Variants in RNF125 observed in about 807,000 individuals in gnomAD.
RNF125 encodes the protein E3 ubiquitin-protein ligase RNF125.
In RNF125, 21 loss-of-function variants were observed where a neutral mutation model predicts 26.0. That is an observed-to-expected ratio of 0.81 (90% confidence interval 0.57 to 1.16). The LOEUF is 1.16. RNF125 is among the 50% of genes most tolerant of loss of function. The pLI is 0.00. For missense variants in RNF125, 270 were observed against 299.4 expected (o/e 0.90, Z 0.72); for synonymous variants, 95 against 109.2 (o/e 0.87, Z 0.81).
At chr18:32,053,054 G>A (rs1280216020) in intron 4 of RNF125, among the ~76,000 whole-genome samples, 2 of 152,200 alleles carry the variant, frequency 1.3e-5, no homozygotes, top group Non-Finnish European at 2.9e-5. Context: ...TGGAATTCAA[G>A]TTTTATAGTA....
intron 4 of RNF125, among the ~76,000 whole-genome samples, chr18:32,055,966 T>TCC: frequency 1.4e-5 from 1 of 71,354 alleles, no homozygotes; most frequent in Admixed American, 2.3e-4. Context: ...GTAACAAGAG[T>TCC]GAAACTCCAT....
In RNF125 at chr18:32,050,865, C is replaced by CTTTT. The variant is rs531751585; in HGVS notation, c.504+5164_504+5167dup. ...CCAGCTAGTCTCTCGGTCTAGAGTG[C>CTTTT]TTTTTTTTTTTTTTTTTTTTTTTTT... On this transcript the variant is annotated intron_variant, in intron 4 of 5. Coordinates refer to ENST00000217740, the MANE Select transcript of RNF125 (RefSeq NM_017831.4). 4.8e-3 allele frequency among the ~76,000 whole-genome samples: 221 copies of CTTTT among 46,318 alleles called. 50 individuals carry two copies. The highest frequency in any genetic ancestry group is 6.8e-3 in the Non-Finnish European group (175 of 25,596). The allele number at this position is 46,318 out of a possible 152,430, so 30.4% of individuals were successfully genotyped here.
At chr18:32,026,733 A>C (rs149822329) in intron 1 of RNF125, among the ~76,000 whole-genome samples, 1 of 152,316 alleles carries the variant, frequency 6.6e-6, no homozygotes, top group East Asian at 1.9e-4. Context: ...AAAAGTTACT[A>C]TCACACTCTA....
chr18:32,040,615 C>A (rs1369263303), intron 2 of RNF125, among the ~76,000 whole-genome samples: 16 of 152,070 alleles, frequency 1.1e-4, no homozygotes. Context: ...ATCCTTTTTT[C>A]TTCTGTTAGA....
downstream of RNF125, among the ~76,000 whole-genome samples, chr18:32,073,755 G>A (rs2039551780): frequency 6.6e-6 from 1 of 152,058 alleles, no homozygotes; most frequent in African/African-American, 2.4e-5. Context: ...TGTTACTGAC[G>A]AAACCTCTGA....
chr18:32,052,743 G>A (rs1282110213), intron 4 of RNF125, among the ~76,000 whole-genome samples: 5 of 152,066 alleles, frequency 3.3e-5, no homozygotes, highest in South Asian at 2.1e-4. Context: ...CTGAAGGATC[G>A]AATCCTTTGC....
At chr18:32,029,367 C>T (rs961483025) in intron 1 of RNF125, among the ~76,000 whole-genome samples, 5 of 151,316 alleles carry the variant, frequency 3.3e-5, no homozygotes, top group African/African-American at 4.9e-5. Flanking sequence ...TGGTTCATGC[C>T]TGTAATCTCA....
chr18:32,038,836 G>A (rs1445133396), intron 2 of RNF125, among the ~76,000 whole-genome samples: 1 of 152,020 alleles, frequency 6.6e-6, no homozygotes, highest in Non-Finnish European at 1.5e-5. Context: ...TGCGATCTCA[G>A]CTCACTGCAG....
At chr18:32,034,520 C>G (rs2039132606) in intron 1 of RNF125, among the ~76,000 whole-genome samples, 1 of 152,112 alleles carries the variant, frequency 6.6e-6, no homozygotes, top group African/African-American at 2.4e-5. Flanking sequence ...AAATAATGAT[C>G]TTTCTTGGGA....
intron 2 of RNF125, among the ~76,000 whole-genome samples, chr18:32,037,623 C>T (rs1249575901): frequency 1.3e-5 from 2 of 152,098 alleles, no homozygotes; most frequent in Non-Finnish European, 2.9e-5. Context: ...CCGCCTGCCT[C>T]GGCCTCCCAA....
At position 32,070,502 on chromosome 18, in the gene RNF125, A is replaced by G. The variant is rs1024453700; in HGVS notation, c.*2118A>G. The G allele has an allele frequency of 6.6e-6, 1 of 152,088 alleles. No homozygotes were observed. The highest frequency in any genetic ancestry group is 2.4e-5 in the African/African-American group (1 of 41,396). 9.4% of individuals were successfully genotyped at this position (152,088 alleles called of 1,614,324 possible). A position where few individuals can be genotyped will look rare whatever the true frequency, so the allele number is the denominator to read the frequency against. ...GTTTTTATCTAACCTTTCTGTTACA[A>G]CTGTACCTCTCCTTCTGTACTGAAA... is the stretch of plus-strand genomic sequence containing the variant. On this transcript the variant is annotated 3_prime_UTR_variant, in exon 6 of 6. Coordinates refer to ENST00000217740, the MANE Select transcript of RNF125 (RefSeq NM_017831.4).
At position 32,045,849 on chromosome 18, in the gene RNF125, G is replaced by T. The variant is rs929683056; in HGVS notation, c.504+117G>T. 6.4e-6 allele frequency: 4 copies of T among 629,182 alleles called. No homozygotes were observed. In the Admixed American group the frequency reaches 8.7e-5, roughly 14 times the overall value. 39.0% of individuals were successfully genotyped at this position (629,182 alleles called of 1,614,324 possible). A position where few individuals can be genotyped will look rare whatever the true frequency, so the allele number is the denominator to read the frequency against. On this transcript the variant is annotated intron_variant, in intron 4 of 5. Transcript: ENST00000217740. The stretch of plus-strand genomic sequence containing the variant: ...ATAAAGGATAATTATTTAAGTTAAG[G>T]TTATGGTAACTCTGTGACTGTTTAC...
chr18:32,033,356 C>G (rs904857882), intron 1 of RNF125, among the ~76,000 whole-genome samples: 1 of 152,084 alleles, frequency 6.6e-6, no homozygotes, highest in Non-Finnish European at 1.5e-5. Flanking sequence ...GAAACCCCTC[C>G]TCTAGTACTA....
chr18:32,046,588 C>T (rs2039274320), intron 4 of RNF125, among the ~76,000 whole-genome samples: 1 of 114,654 alleles, frequency 8.7e-6, no homozygotes, highest in South Asian at 3.2e-4. Context: ...CAGAGCGAGA[C>T]TCTGTCTCAA....
At position 32,064,640 on chromosome 18, in the gene RNF125, TG is replaced by T. The variant is rs543591436; in HGVS notation, c.505-1261del. ...TTCAAGCAATTCTCCTGCCTCAGCC[TG>T]CCAAGTAGGTGGGATAGCAGGCAGG... On this transcript the variant is annotated intron_variant, in intron 4 of 5. Coordinates refer to ENST00000217740, the MANE Select transcript of RNF125 (RefSeq NM_017831.4). 2.5e-3 allele frequency among the ~76,000 whole-genome samples: 377 copies of T among 152,104 alleles called. 2 individuals are homozygous for T. The highest frequency in any genetic ancestry group is 0.011 in the South Asian group (54 of 4,816).
chr18:32,053,690 C>T (rs796741750), intron 4 of RNF125, among the ~76,000 whole-genome samples: 7 of 151,904 alleles, frequency 4.6e-5, no homozygotes, highest in African/African-American at 1.7e-4. Context: ...ATTGCTTGAG[C>T]GCGGGAGGTA....
At chr18:32,020,002 CTGTGTGTGTGTGTG>C (rs149126113) in intron 1 of RNF125, among the ~76,000 whole-genome samples, 1,981 of 150,000 alleles carry the variant, frequency 0.013, 31 homozygotes, top group African/African-American at 0.04. Flanking sequence ...TCTCTGTTTA[CTGTGTGTGTGTGTG>C]TGTGTGTGTG....
chr18:32,077,636 C>T (rs957896306), downstream of RNF125, among the ~76,000 whole-genome samples: 4 of 151,958 alleles, frequency 2.6e-5, no homozygotes, highest in Non-Finnish European at 5.9e-5. Context: ...GCTGGGATTA[C>T]AGGTGTGAGC....
At chr18:32,043,694 C>T (rs2039241123) in intron 3 of RNF125, among the ~76,000 whole-genome samples, 2 of 152,030 alleles carry the variant, frequency 1.3e-5, no homozygotes, top group East Asian at 3.8e-4. Context: ...ATTTGAATCC[C>T]AATTTCTTTT....
Sources: allele counts gnomAD v4.1 joint callset (sites outside exome capture counted in the v4.1 genomes callset), GRCh38; gene constraint gnomAD v4.1.1; transcripts MANE v1.5; gene names NCBI Gene and HGNC (gene_info 2026-07-23, HGNC 2026-07-21).